SIPA1L3: variants seen among roughly 807,000 people sequenced by gnomAD.
SIPA1L3 encodes the protein signal induced proliferation associated 1 like 3, also known as signal-induced proliferation-associated 1-like protein 3.
In SIPA1L3, 59 loss-of-function variants were observed where a neutral mutation model predicts 150.1. That is an observed-to-expected ratio of 0.39 (90% CI 0.32 to 0.49). SIPA1L3 has a LOEUF of 0.49. Ranked by LOEUF, SIPA1L3 falls within the 20% of genes least tolerant of loss-of-function variation. The pLI, the probability that SIPA1L3 is intolerant of heterozygous loss-of-function variation, is 0.86. For missense variants in SIPA1L3, 2,211 were observed against 2,489.5 expected (o/e 0.89, Z 2.38); for synonymous variants, 1,070 against 1,077.6 (o/e 0.99, Z 0.14).
chr19:38,166,465 A>AAAAAG (rs1019588383), intron 15 of SIPA1L3, among the ~76,000 whole-genome samples: 2 of 151,968 alleles, frequency 1.3e-5, no homozygotes, highest in South Asian at 2.1e-4. Flanking sequence ...CAAAAAAAAA[A>AAAAAG]AAAAGAAAAG....
intron 1 of SIPA1L3, among the ~76,000 whole-genome samples, chr19:38,008,497 G>A (rs2145675291): frequency 6.6e-6 from 1 of 152,130 alleles, no homozygotes; most frequent in Admixed American, 6.5e-5. Flanking sequence ...CCAAAGTGCT[G>A]GGATTGCAGA....
intron 1 of SIPA1L3, among the ~76,000 whole-genome samples, chr19:37,914,158 T>C (rs1223771371): frequency 6.6e-6 from 1 of 151,938 alleles, no homozygotes; most frequent in Admixed American, 6.6e-5. Context: ...TTAGCTTTGA[T>C]GGTCAGGGAA....
rs556918573 is a variant in SIPA1L3, at chr19:38,139,057, G to A, written c.3144-2127G>A. Reference sequence around the variant, plus strand: ...CTAAAAATACAAAAATTAGCTAGGTGTGGTGGCACACACCTGTAGTCCTAG... The same window carrying A: ...CTAAAAATACAAAAATTAGCTAGGTATGGTGGCACACACCTGTAGTCCTAG... On this transcript the variant is annotated intron_variant, in intron 10 of 21. Transcript: ENST00000222345. Among the ~76,000 whole-genome samples, 5 of 151,532 alleles carry A rather than the reference G, an allele frequency of 3.3e-5. No individual in the cohort carries two copies. The South Asian group carries it at 6.3e-4, about 19-fold the overall frequency.
intron 1 of SIPA1L3, among the ~76,000 whole-genome samples, chr19:37,976,494 G>T (rs78851996): frequency 0.026 from 3,963 of 152,224 alleles, 171 homozygotes; most frequent in African/African-American, 0.09. Context: ...GCAAGCAACA[G>T]AAATCAACTC....
At chr19:38,166,732 G>A (rs916761885) in intron 15 of SIPA1L3, among the ~76,000 whole-genome samples, 1 of 151,986 alleles carries the variant, frequency 6.6e-6, no homozygotes, top group Non-Finnish European at 1.5e-5. Flanking sequence ...GCCTGGGGTG[G>A]GCTAGCCTGA....
intron 2 of SIPA1L3, among the ~76,000 whole-genome samples, chr19:38,066,762 G>C (rs902377358): frequency 1.3e-5 from 2 of 151,958 alleles, no homozygotes; most frequent in Non-Finnish European, 2.9e-5. Context: ...GGAGGCAGAG[G>C]TTTCAGTGAG....
At chr19:38,110,464 C>T (rs987030922) in intron 8 of SIPA1L3, 80 bp downstream of exon 8, 122 of 1,113,766 alleles carry the variant, frequency 1.1e-4, no homozygotes, top group Middle Eastern at 1.0e-3. Context: ...CAGTACAGGG[C>T]CCCCCCACAC....
At chr19:38,130,883 C>A in intron 10 of SIPA1L3, 111 bp downstream of exon 10, 1 of 1,211,816 alleles carries the variant, frequency 8.3e-7, no homozygotes, top group Non-Finnish European at 1.1e-6. Flanking sequence ...GATAGGCAGG[C>A]CCTTCTAGGC....
At chr19:38,171,832 G>T (rs1972335071) in intron 15 of SIPA1L3, among the ~76,000 whole-genome samples, 1 of 152,094 alleles carries the variant, frequency 6.6e-6, no homozygotes, top group Non-Finnish European at 1.5e-5. Context: ...ACTCCATCCT[G>T]GGTAACTGAT....
chr19:38,152,327 C>A lies in SIPA1L3; in HGVS notation c.3534-513C>A, dbSNP rs568080226. Among the ~76,000 whole-genome samples, 334 of 152,310 alleles carry A rather than the reference C, an allele frequency of 2.2e-3. 2 individuals carry two copies. The highest frequency in any genetic ancestry group is 3.5e-4 in the Non-Finnish European group (24 of 68,030). ...CTCTTGACAGCTAAGGAAACTGAGG[C>A]TGTGGGCTAGGAAGTGGCTGCATCT... is the stretch of plus-strand genomic sequence containing the variant. On this transcript the variant is annotated intron_variant, in intron 12 of 21. Coordinates refer to ENST00000222345, the MANE Select transcript of SIPA1L3 (RefSeq NM_015073.3).
At position 37,997,568 on chromosome 19, in the gene SIPA1L3, T is replaced by TAAA. The variant is rs71177495; in HGVS notation, c.-378-31505_-378-31503dup. Among the ~76,000 whole-genome samples, 111 of 83,858 alleles carry TAAA rather than the reference T, an allele frequency of 1.3e-3. 7 individuals carry two copies. The highest frequency in any genetic ancestry group is 0.013 in the South Asian group (26 of 2,056). The allele number at this position is 83,858 out of a possible 152,430, so 55.0% of individuals were successfully genotyped here. Reference sequence around the variant, plus strand: ...GGGCAACAGAGTGAGACTGTCTCATTAAAAAAAAAAAAAAAAAAGGCCGGG... The same window carrying TAAA: ...GGGCAACAGAGTGAGACTGTCTCATTAAAAAAAAAAAAAAAAAAAAAGGCCGGG... On this transcript the variant is annotated intron_variant, in intron 1 of 21. Transcript: ENST00000222345.
chr19:38,172,586 A>G (rs970521338), intron 15 of SIPA1L3, among the ~76,000 whole-genome samples: 3 of 152,128 alleles, frequency 2.0e-5, no homozygotes, highest in African/African-American at 7.2e-5. Flanking sequence ...ACAGTAGATG[A>G]CTAGACCCTG....
chr19:38,082,397 AAGG>A lies in SIPA1L3; in HGVS notation c.835_837del (p.Glu279del), dbSNP rs763773706. On this transcript the variant is annotated inframe_deletion, in exon 3 of 22. Coordinates refer to ENST00000222345, the MANE Select transcript of SIPA1L3 (RefSeq NM_015073.3). ...CAGCCTCCTGCCACTGCAGCCCACGAAGGAGAAGGAGAAGGCCCGGAAGAAACC... is the reference window on the plus strand; with the variant it reads ...CAGCCTCCTGCCACTGCAGCCCACGAAGAAGGAGAAGGCCCGGAAGAAACC... 1 of 1,597,536 alleles carries A rather than the reference AAGG, an allele frequency of 6.3e-7. No individual in the cohort carries two copies.
At position 37,957,038 on chromosome 19, in the gene SIPA1L3, G is replaced by GT. The variant is rs1398879736; in HGVS notation, c.-379+49682dup. Among the ~76,000 whole-genome samples the GT allele has an allele frequency of 2.6e-5, 4 of 151,932 alleles. No homozygotes were observed. The East Asian group carries it at 7.7e-4, about 29-fold the overall frequency. On this transcript the variant is annotated intron_variant, in intron 1 of 21. Transcript: ENST00000222345. ...ATATCCAATTATCCCAGCTCCATTT[G>GT]TTGAAAAAAAGACCATTTTCCTCCA...
rs1972137080 is a variant in SIPA1L3 at position 38,163,470 on chromosome 19, A to G, written c.3781-1009A>G. On this transcript the variant is annotated intron_variant, in intron 14 of 21. Transcript: ENST00000222345. ...GCACCACTGCACTCCAGCCTGAGCGACAGAGTGAGACTCTATCTCAAAAAA... is the reference window on the plus strand; with the variant it reads ...GCACCACTGCACTCCAGCCTGAGCGGCAGAGTGAGACTCTATCTCAAAAAA... Among the ~76,000 whole-genome samples, 4 of 146,994 alleles carry G rather than the reference A, an allele frequency of 2.7e-5. No individual in the cohort carries two copies. The Admixed American group carries it at 2.7e-4, about 10-fold the overall frequency.
At chr19:38,095,056 CAA>C (rs1970347117) in intron 4 of SIPA1L3, among the ~76,000 whole-genome samples, 1 of 152,160 alleles carries the variant, frequency 6.6e-6, no homozygotes, top group Admixed American at 6.5e-5. Context: ...GCCTGGGCGA[CAA>C]GAGCGAAACT....
rs756671817 is a variant in SIPA1L3 at position 37,964,488 on chromosome 19, TTTTG to T, written c.-379+57150_-379+57153del. 8.8e-4 allele frequency: 135 copies of T among 154,144 alleles called. 1 individual carries two copies. Among genetic ancestry groups the T allele is most frequent in the Middle Eastern group, 3.3e-3 (1 of 304 alleles). 9.5% of individuals were successfully genotyped at this position (154,144 alleles called of 1,614,324 possible). On this transcript the variant is annotated intron_variant, in intron 1 of 21. Transcript: ENST00000222345. ...ATTTAATAGTAATTTCTGTCTTTCT[TTTTG>T]TTTGTTTGTTTGTTTGTTTTGAGAC... is the stretch of plus-strand genomic sequence containing the variant.
At chr19:38,090,634 G>A (rs897037844) in intron 4 of SIPA1L3, among the ~76,000 whole-genome samples, 3 of 152,232 alleles carry the variant, frequency 2.0e-5, no homozygotes, top group Non-Finnish European at 2.9e-5. Flanking sequence ...TCAGAAAAGT[G>A]GCATTTGCCA....
chr19:38,174,576 A>G lies in SIPA1L3; in HGVS notation c.4209-7943A>G, dbSNP rs111535945. On this transcript the variant is annotated intron_variant, in intron 15 of 21. Transcript: ENST00000222345. ...GGGGGTAATAGGATCTGTCAACCAG[A>G]CACGGTGGCTCGCCTCTCATCCCAG... is the stretch of plus-strand genomic sequence containing the variant. Among the ~76,000 whole-genome samples the G allele has an allele frequency of 2.4e-3, 364 of 152,220 alleles. 3 individuals carry two copies. The highest frequency in any genetic ancestry group is 8.3e-3 in the African/African-American group (344 of 41,546).
Sources: gnomAD v4.1 joint callset for allele counts (sites outside exome capture counted in the v4.1 genomes callset) on GRCh38, gnomAD v4.1.1 for gene constraint, MANE v1.5 for transcripts, NCBI Gene and HGNC (gene_info 2026-07-23, HGNC 2026-07-21) for gene names.